SV2C: variants seen among roughly 807,000 people sequenced by gnomAD.
SV2C encodes the protein synaptic vesicle glycoprotein 2C.
Under a neutral mutation model 79.7 loss-of-function variants are expected in SV2C, and 49 were observed. The ratio of observed to expected loss-of-function variants is 0.61; its 90% CI spans 0.49 to 0.78. The LOEUF (loss-of-function observed/expected upper bound fraction) is 0.78. SV2C is among the 30% of genes least tolerant of loss of function. SV2C has a pLI of 0.00. For synonymous variants in SV2C, 334 were observed against 333.2 expected, an observed-to-expected ratio of 1.00 and a Z score of -0.03; for missense variants, 833 against 912.9, an observed-to-expected ratio of 0.91 and a Z score of 1.13.
At position 76,291,296 on chromosome 5, in the gene SV2C, A is replaced by G; in HGVS notation, c.1213A>G (p.Arg405Gly). 6.2e-7 allele frequency: 1 copy of G among 1,613,098 alleles called. No homozygotes were observed. Among genetic ancestry groups the G allele is most frequent in the Non-Finnish European group, 8.5e-7 (1 of 1,179,658 alleles). Reference sequence around the variant, plus strand: ...GAGTGACACAGGAACATGGTATAGGAGGTGTTTTGTTCGGATCCGCACCGA... The same window carrying G: ...GAGTGACACAGGAACATGGTATAGGGGGTGTTTTGTTCGGATCCGCACCGA... ...IESDTGTWYRRCFVRIRTELY... is the reference protein window; with the variant it reads ...IESDTGTWYRGCFVRIRTELY... Residue 405 changes from arginine to glycine, a missense_variant, in exon 7 of 13, where the codon AGG becomes GGG. Transcript: ENST00000502798.
the SV2C span, among the ~76,000 whole-genome samples, chr5:76,019,705 A>G: frequency 9.2e-5 from 14 of 152,156 alleles, no homozygotes; most frequent in Admixed American, 9.2e-4. Flanking sequence ...CATGAATGAG[A>G]GAAAAAACAT....
chr5:75,945,610 T>G, the SV2C span, among the ~76,000 whole-genome samples: 1 of 152,032 alleles, frequency 6.6e-6, no homozygotes, highest in African/African-American at 2.4e-5. Context: ...TGAACCACCA[T>G]GCCTGCCCAA....
the SV2C span, among the ~76,000 whole-genome samples, chr5:76,062,513 A>C: frequency 6.6e-6 from 1 of 151,916 alleles, no homozygotes; most frequent in African/African-American, 2.4e-5. Flanking sequence ...TAAGAAATAA[A>C]TTTCTGTTCT....
At chr5:75,886,729 A>C in the SV2C span, among the ~76,000 whole-genome samples, 1 of 152,230 alleles carries the variant, frequency 6.6e-6, no homozygotes, top group African/African-American at 2.4e-5. Context: ...AGACATTTAC[A>C]GAGTTATTAC....
upstream of SV2C, chr5:76,079,385 G>A (rs1477895226): frequency 6.5e-6 from 2 of 309,652 alleles, no homozygotes; most frequent in South Asian, 4.1e-5. Context: ...ATGTGGTGAT[G>A]TTGTAGACAA....
intron 1 of SV2C, among the ~76,000 whole-genome samples, chr5:76,101,604 A>C (rs1747744982): frequency 6.6e-6 from 1 of 152,170 alleles, no homozygotes; most frequent in Non-Finnish European, 1.5e-5. Context: ...TTCAAACAGT[A>C]CTTAAAAGCT....
chr5:75,888,417 A>C, the SV2C span, among the ~76,000 whole-genome samples: 2,111 of 151,766 alleles, frequency 0.014, 47 homozygotes, highest in African/African-American at 0.048. Flanking sequence ...CAATTACCCA[A>C]CCTCATTTCA....
intron 4 of SV2C, among the ~76,000 whole-genome samples, chr5:76,274,388 T>C (rs1393429930): frequency 6.6e-6 from 1 of 152,184 alleles, no homozygotes; most frequent in Non-Finnish European, 1.5e-5. Flanking sequence ...CCACTTTAAA[T>C]AGTTTAGTGG....
chr5:76,329,850 G>A lies in SV2C; in HGVS notation c.*4303G>A, dbSNP rs1749121433. On this transcript the variant is annotated 3_prime_UTR_variant, in exon 13 of 13. Transcript: ENST00000502798. ...CACCTGGTATCACAGAAAGACAACT[G>A]GGATATTGGTGTTAAGGGGCATATC... is the stretch of plus-strand genomic sequence containing the variant. 2 of 152,134 alleles carry A rather than the reference G, an allele frequency of 1.3e-5. No homozygotes were observed. Among genetic ancestry groups the A allele is most frequent in the African/African-American group, 4.8e-5 (2 of 41,424 alleles). 9.4% of individuals were successfully genotyped at this position (152,134 alleles called of 1,614,324 possible). A position where few individuals can be genotyped will look rare whatever the true frequency, so the allele number is the denominator to read the frequency against.
intron 1 of SV2C, among the ~76,000 whole-genome samples, chr5:76,104,684 C>T (rs59727044): frequency 0.022 from 3,295 of 152,244 alleles, 126 homozygotes; most frequent in African/African-American, 0.076. Flanking sequence ...ATTCTGTTTG[C>T]GATACTAGAG....
At chr5:76,132,400 A>T in intron 2 of SV2C, 70 bp downstream of exon 2, 1 of 1,435,994 alleles carries the variant, frequency 7.0e-7, no homozygotes, top group Non-Finnish European at 9.4e-7. Flanking sequence ...ATCAACATAG[A>T]GAATAAATAC....
chr5:76,315,294 G>A (rs1360900748), intron 12 of SV2C, among the ~76,000 whole-genome samples: 2 of 151,076 alleles, frequency 1.3e-5, no homozygotes, highest in Non-Finnish European at 2.9e-5. Context: ...AGTCTTTTCT[G>A]ACTTAATATG....
intron 4 of SV2C, among the ~76,000 whole-genome samples, chr5:76,229,858 T>C (rs1445190151): frequency 1.3e-5 from 2 of 152,360 alleles, no homozygotes; most frequent in Middle Eastern, 3.4e-3. Flanking sequence ...CATGAGATAT[T>C]GTATGCTGGT....
In SV2C at chr5:76,301,693, G is replaced by A. The variant is rs1748006880; in HGVS notation, c.2000+148G>A. 5 of 841,726 alleles carry A rather than the reference G, an allele frequency of 5.9e-6. No individual in the cohort carries two copies. In the South Asian group the frequency reaches 8.8e-5, roughly 15 times the overall value. 52.1% of individuals were successfully genotyped at this position (841,726 alleles called of 1,614,324 possible). ...GAAGGCCAAGGTGGGTGGATCACCT[G>A]TGGTCAGGAGTTCGAGACCAGCCTG... On this transcript the variant is annotated intron_variant, in intron 12 of 12. Coordinates refer to ENST00000502798, the MANE Select transcript of SV2C (RefSeq NM_014979.4).
chr5:76,013,852 AT>A, the SV2C span, among the ~76,000 whole-genome samples: 1 of 152,154 alleles, frequency 6.6e-6, no homozygotes, highest in African/African-American at 2.4e-5. Flanking sequence ...AGAAAACAAT[AT>A]TTGGTAAGGC....
the SV2C span, among the ~76,000 whole-genome samples, chr5:76,039,146 C>G: frequency 6.6e-6 from 1 of 152,196 alleles, no homozygotes; most frequent in East Asian, 1.9e-4. Context: ...GTCTAATGAT[C>G]AAGCTTGGTC....
At chr5:75,970,286 A>C in the SV2C span, among the ~76,000 whole-genome samples, 1 of 152,090 alleles carries the variant, frequency 6.6e-6, no homozygotes, top group Non-Finnish European at 1.5e-5. Context: ...GAGCAAACAC[A>C]TTCAAAAGCT....
At chr5:76,292,503 T>C (rs904489659) in intron 8 of SV2C, among the ~76,000 whole-genome samples, 5 of 152,160 alleles carry the variant, frequency 3.3e-5, no homozygotes, top group African/African-American at 1.2e-4. Flanking sequence ...AAGCTGAGTG[T>C]GGTGCCATCC....
chr5:75,915,621 T>A, the SV2C span, among the ~76,000 whole-genome samples: 2 of 152,304 alleles, frequency 1.3e-5, no homozygotes, highest in South Asian at 2.1e-4. Context: ...ATAAAAAGGA[T>A]GTGGCTATTT....
Sources: gnomAD v4.1 joint callset for allele counts (sites outside exome capture counted in the v4.1 genomes callset) on GRCh38, gnomAD v4.1.1 for gene constraint, MANE v1.5 for transcripts, NCBI Gene and HGNC (gene_info 2026-07-23, HGNC 2026-07-21) for gene names.